CNTN3: variants seen among roughly 807,000 people sequenced by gnomAD.
The protein encoded by CNTN3 is contactin 3.
In CNTN3, 60 loss-of-function variants were observed where a neutral mutation model predicts 119.1. The observed-to-expected ratio is 0.50, with a 90% CI of 0.41 to 0.62. CNTN3 has a LOEUF of 0.62. Among genes scored for constraint, CNTN3 ranks in the 20% least tolerant of loss-of-function variants. The pLI is 0.00. For missense variants in CNTN3, 1,101 were observed against 1,242.4 expected, an observed-to-expected ratio of 0.89 and a Z score of 1.71; for synonymous variants, 450 against 438.7, an observed-to-expected ratio of 1.03 and a Z score of -0.32.
At chr3:74,477,955 G>A (rs1234525908) in intron 4 of CNTN3, among the ~76,000 whole-genome samples, 1 of 152,070 alleles carries the variant, frequency 6.6e-6, no homozygotes, top group Non-Finnish European at 1.5e-5. Context: ...ACAAACATCA[G>A]TTATGTGAAA....
chr3:74,537,973 G>GATGA (rs1703789538), intron 1 of CNTN3, among the ~76,000 whole-genome samples: 1 of 152,064 alleles, frequency 6.6e-6, no homozygotes, highest in Non-Finnish European at 1.5e-5. Context: ...TAGATAGATG[G>GATGA]ATGAATGAAT....
chr3:74,412,935 T>C (rs1344255385), intron 5 of CNTN3, among the ~76,000 whole-genome samples: 1 of 152,068 alleles, frequency 6.6e-6, no homozygotes, highest in African/African-American at 2.4e-5. Flanking sequence ...CTGTCAAATA[T>C]GGAAAAACTG....
At chr3:74,280,139 C>T (rs930091574) in intron 20 of CNTN3, among the ~76,000 whole-genome samples, 3 of 151,738 alleles carry the variant, frequency 2.0e-5, no homozygotes, top group Non-Finnish European at 4.4e-5. Context: ...ATATATACAC[C>T]TACAATGTAC....
chr3:74,589,154 T>G (rs1483971301), intron 1 of CNTN3, among the ~76,000 whole-genome samples: 2 of 151,832 alleles, frequency 1.3e-5, no homozygotes, highest in African/African-American at 2.4e-5. Flanking sequence ...GAAACTACCA[T>G]CAGAGTGAAC....
At chr3:74,543,023 G>A (rs1206496447) in intron 1 of CNTN3, among the ~76,000 whole-genome samples, 1 of 152,054 alleles carries the variant, frequency 6.6e-6, no homozygotes. Flanking sequence ...AGCTACTTGG[G>A]AGGCTGAGGT....
At chr3:74,404,656 A>AT (rs1448538013) in intron 5 of CNTN3, among the ~76,000 whole-genome samples, 1 of 152,012 alleles carries the variant, frequency 6.6e-6, no homozygotes, top group Non-Finnish European at 1.5e-5. Flanking sequence ...GCCATACACC[A>AT]TATGACATTG....
chr3:74,301,617 T>C (rs1458273071), intron 15 of CNTN3, 30 bp downstream of exon 15: 1 of 1,613,066 alleles, frequency 6.2e-7, no homozygotes. Context: ...TTTATATGTG[T>C]GCAGATGACA....
chr3:74,500,508 C>CAAAAAAA (rs57458348), intron 2 of CNTN3, among the ~76,000 whole-genome samples: 1 of 140,914 alleles, frequency 7.1e-6, no homozygotes, highest in Non-Finnish European at 1.5e-5. Context: ...CAAATTCGCC[C>CAAAAAAA]AAAAAAAAAA....
chr3:74,467,809 C>G (rs920993407), intron 4 of CNTN3, among the ~76,000 whole-genome samples: 1 of 151,986 alleles, frequency 6.6e-6, no homozygotes, highest in Non-Finnish European at 1.5e-5. Flanking sequence ...TTAGAAGTGA[C>G]AGAAAAAATC....
At chr3:74,332,473 T>C (rs1009983591) in intron 13 of CNTN3, among the ~76,000 whole-genome samples, 22 of 152,248 alleles carry the variant, frequency 1.4e-4, no homozygotes. Context: ...ACCTGACTTG[T>C]ACAGAGATGA....
At chr3:74,575,090 A>C (rs189725971) in intron 1 of CNTN3, among the ~76,000 whole-genome samples, 1 of 151,552 alleles carries the variant, frequency 6.6e-6, no homozygotes, top group African/African-American at 2.4e-5. Context: ...TGCCTCATTT[A>C]TTTCTTTTTA....
At chr3:74,350,112 T>C (rs1340633923) in intron 11 of CNTN3, among the ~76,000 whole-genome samples, 1 of 152,212 alleles carries the variant, frequency 6.6e-6, no homozygotes, top group Non-Finnish European at 1.5e-5. Context: ...AGACCATGTG[T>C]CAGCAATCTG....
intron 4 of CNTN3, among the ~76,000 whole-genome samples, chr3:74,458,817 A>G (rs141950816): frequency 6.6e-6 from 1 of 152,166 alleles, no homozygotes; most frequent in African/African-American, 2.4e-5. Flanking sequence ...AATGGTGTGA[A>G]TGTTTACATA....
intron 4 of CNTN3, among the ~76,000 whole-genome samples, chr3:74,450,548 C>T (rs1702131214): frequency 6.7e-6 from 1 of 149,768 alleles, no homozygotes; most frequent in African/African-American, 2.5e-5. Flanking sequence ...TTTTAGGGTA[C>T]ATGTGCACAA....
rs112809797 is a variant in CNTN3, at chr3:74,396,543, G to C, written c.455-25144C>G. On this transcript the variant is annotated intron_variant, in intron 5 of 22. Transcript: ENST00000263665. Reference sequence around the variant, plus strand: ...GGGTGGATCATCAGGTCAGGAGATCGAGACCACCCTGGCTAACACGGTGAA... The same window carrying C: ...GGGTGGATCATCAGGTCAGGAGATCCAGACCACCCTGGCTAACACGGTGAA... Among the ~76,000 whole-genome samples, 362 of 151,780 alleles carry C rather than the reference G, an allele frequency of 2.4e-3. 1 individual carries two copies. The highest frequency in any genetic ancestry group is 8.2e-3 in the African/African-American group (341 of 41,390).
intron 20 of CNTN3, among the ~76,000 whole-genome samples, chr3:74,273,218 C>T (rs1701816230): frequency 6.6e-6 from 1 of 152,174 alleles, no homozygotes; most frequent in Non-Finnish European, 1.5e-5. Flanking sequence ...AACATTCAGA[C>T]TCATTCTTTC....
Position 74,369,700 on chromosome 3 carries a change from A to G in CNTN3, c.761+189T>C, listed in dbSNP as rs138328255. Reference sequence around the variant, plus strand: ...TCGGCAGGCAGAGTAATTTTCTTCAAATCGACTTTGAATATTAAAGTTTCA... The same window carrying G: ...TCGGCAGGCAGAGTAATTTTCTTCAGATCGACTTTGAATATTAAAGTTTCA... On this transcript the variant is annotated intron_variant, in intron 7 of 22. Transcript: ENST00000263665. Among the ~76,000 whole-genome samples the G allele has an allele frequency of 5.2e-3, 793 of 151,758 alleles. 3 individuals carry two copies. The highest frequency in any genetic ancestry group is 0.018 in the African/African-American group (761 of 41,494).
chr3:74,596,615 G>C (rs1447489215), intron 1 of CNTN3, among the ~76,000 whole-genome samples: 1 of 152,102 alleles, frequency 6.6e-6, no homozygotes, highest in Non-Finnish European at 1.5e-5. Context: ...AAATGGTGCT[G>C]GGAAAACTGG....
chr3:74,475,529 C>T (rs1440742913), intron 4 of CNTN3, among the ~76,000 whole-genome samples: 1 of 152,122 alleles, frequency 6.6e-6, no homozygotes, highest in East Asian at 1.9e-4. Flanking sequence ...TGCATCGCTG[C>T]AAGGCTGTAC....
Sources: allele counts gnomAD v4.1 joint callset (sites outside exome capture counted in the v4.1 genomes callset), GRCh38; gene constraint gnomAD v4.1.1; transcripts MANE v1.5; gene names NCBI Gene and HGNC (gene_info 2026-07-23, HGNC 2026-07-21).